Variants in MYBL1 observed in about 807,000 individuals in gnomAD.
MYBL1 encodes the protein MYB proto-oncogene like 1.
A neutral mutation model predicts 96.3 loss-of-function variants in MYBL1; 17 were observed. The ratio of observed to expected loss-of-function variants is 0.18; its 90% CI spans 0.12 to 0.26. MYBL1 has a LOEUF of 0.26. Among genes scored for constraint, MYBL1 ranks in the 10% least tolerant of loss-of-function variants. MYBL1 has a pLI of 1.00. For synonymous variants in MYBL1, 282 were observed against 292.7 expected, an observed-to-expected ratio of 0.96 and a Z score of 0.37; for missense variants, 701 against 882.9, an observed-to-expected ratio of 0.79 and a Z score of 2.61.
chr8:66,604,022 A>G (rs1251292767), intron 1 of MYBL1, among the ~76,000 whole-genome samples: 2 of 152,174 alleles, frequency 1.3e-5, no homozygotes, highest in Non-Finnish European at 2.9e-5. Context: ...TAATCAGAGA[A>G]TTACCACTAC....
chr8:66,612,313 G>C (rs1309135833), intron 1 of MYBL1: 1 of 156,656 alleles, frequency 6.4e-6, no homozygotes. Flanking sequence ...AGTCCTCTCA[G>C]CTATTCCCCA....
At chr8:66,577,680 T>A (rs1014417359) in intron 9 of MYBL1, among the ~76,000 whole-genome samples, 6 of 151,998 alleles carry the variant, frequency 3.9e-5, no homozygotes, top group Non-Finnish European at 7.4e-5. Flanking sequence ...TTCAGTGCCA[T>A]CCCCATCAAG....
At chr8:66,602,624 G>C (rs1810122297) in intron 1 of MYBL1, 101 bp from the exon 2 acceptor site, 1 of 552,448 alleles carries the variant, frequency 1.8e-6, no homozygotes, top group Admixed American at 4.0e-5. Context: ...AAATCATACA[G>C]ACTACAAGTC....
chr8:66,603,741 C>A (rs1056412583), intron 1 of MYBL1, among the ~76,000 whole-genome samples: 1 of 151,990 alleles, frequency 6.6e-6, no homozygotes, highest in African/African-American at 2.4e-5. Flanking sequence ...CTCAAGTGAT[C>A]CTCCTGCCTC....
intron 3 of MYBL1, 28 bp from the exon 4 acceptor site, chr8:66,599,170 T>G: frequency 6.7e-7 from 1 of 1,498,800 alleles, no homozygotes; most frequent in Non-Finnish European, 9.0e-7. Flanking sequence ...ATTTTGTTAT[T>G]AAACAACTGT....
At position 66,597,503 on chromosome 8, in the gene MYBL1, A is replaced by G; in HGVS notation, c.339T>C (p.Ile113=). 6.2e-7 allele frequency: 1 copy of G among 1,613,184 alleles called. No homozygotes were observed. The highest frequency in any genetic ancestry group is 8.5e-7 in the Non-Finnish European group (1 of 1,179,490). ...QKYGPKRWSL[I]AKHLKGRIGK... ...CTATTCTTCCTTTTAAATGTTTTGCAATTAAAGACCATCTTTTTGGCCCAT... is the reference window on the plus strand; with the variant it reads ...CTATTCTTCCTTTTAAATGTTTTGCGATTAAAGACCATCTTTTTGGCCCAT... The change falls in exon 5 of 16, where the codon ATT becomes ATC. Residue 113 remains isoleucine, a synonymous_variant. Transcript: ENST00000522677.
intron 9 of MYBL1, among the ~76,000 whole-genome samples, chr8:66,578,138 C>T (rs1809042634): frequency 6.6e-6 from 1 of 151,954 alleles, no homozygotes; most frequent in Non-Finnish European, 1.5e-5. Context: ...GAGAAGAAAA[C>T]CTAGGCATTA....
intron 4 of MYBL1, among the ~76,000 whole-genome samples, chr8:66,597,847 TAAAAAAAAAAA>T: frequency 2.8e-5 from 1 of 36,194 alleles, no homozygotes; most frequent in African/African-American, 1.0e-4. Flanking sequence ...CTCCTACATC[TAAAAAAAAAAA>T]AAAAAAAAAA....
intron 1 of MYBL1, chr8:66,612,204 T>C (rs1032404204): frequency 3.3e-5 from 5 of 152,176 alleles, no homozygotes; most frequent in African/African-American, 1.2e-4. Context: ...TTACTACTAG[T>C]TGTTACTATG....
At chr8:66,605,353 G>C (rs1345028137) in intron 1 of MYBL1, among the ~76,000 whole-genome samples, 1 of 152,144 alleles carries the variant, frequency 6.6e-6, no homozygotes, top group Admixed American at 6.5e-5. Flanking sequence ...GTCTAGGGTA[G>C]AGATGCAGTT....
At chr8:66,569,059 A>G (rs1189079933) in intron 12 of MYBL1, among the ~76,000 whole-genome samples, 2 of 152,146 alleles carry the variant, frequency 1.3e-5, no homozygotes, top group Non-Finnish European at 2.9e-5. Context: ...TCACCCAAGT[A>G]TTAAGCCTAG....
intron 9 of MYBL1, among the ~76,000 whole-genome samples, chr8:66,579,012 T>C (rs1309865348): frequency 6.6e-5 from 10 of 151,758 alleles, no homozygotes; most frequent in South Asian, 2.1e-4. Context: ...TTCTCACTCA[T>C]AAATGGGAAT....
At position 66,566,856 on chromosome 8, in the gene MYBL1, C is replaced by G; in HGVS notation, c.1845+20G>C. ...TTGGATACAATAAGACTTTTATTAA[C>G]AATAATACTAGAAGATTACCTCTTG... is the stretch of plus-strand genomic sequence containing the variant. On this transcript the variant is annotated intron_variant, in intron 13 of 15. Transcript: ENST00000522677. 6.3e-7 allele frequency: 1 copy of G among 1,593,928 alleles called. No individual in the cohort carries two copies. Among genetic ancestry groups the G allele is most frequent in the Non-Finnish European group, 8.6e-7 (1 of 1,163,070 alleles).
intron 8 of MYBL1, among the ~76,000 whole-genome samples, chr8:66,588,889 A>C (rs1418849191): frequency 1.3e-5 from 2 of 152,198 alleles, no homozygotes; most frequent in Non-Finnish European, 2.9e-5. Context: ...GTATGGTGGC[A>C]CATGCCTGTA....
Position 66,609,796 on chromosome 8 carries a change from T to C in MYBL1, c.20+3023A>G, listed in dbSNP as rs186557217. Among the ~76,000 whole-genome samples, 500 of 152,080 alleles carry C rather than the reference T, an allele frequency of 3.3e-3. 1 individual carries two copies. The highest frequency in any genetic ancestry group is 0.014 in the Middle Eastern group (4 of 294). On this transcript the variant is annotated intron_variant, in intron 1 of 15. Transcript: ENST00000522677. ...AGAAACTACCTTACAGACCATAAAA[T>C]CCAAACTCTATATATTAACCAGATG...
chr8:66,586,189 G>T (rs914107934), intron 8 of MYBL1, among the ~76,000 whole-genome samples: 1 of 151,726 alleles, frequency 6.6e-6, no homozygotes, highest in South Asian at 2.1e-4. Context: ...GGGACTACAG[G>T]TGCTCACCAC....
intron 9 of MYBL1, 69 bp from the exon 10 acceptor site, chr8:66,576,444 T>A: frequency 6.8e-7 from 1 of 1,476,866 alleles, no homozygotes; most frequent in South Asian, 1.4e-5. Flanking sequence ...GAACACAGGA[T>A]GATGATTTCC....
chr8:66,605,520 A>G (rs568467845), intron 1 of MYBL1, among the ~76,000 whole-genome samples: 1 of 152,340 alleles, frequency 6.6e-6, no homozygotes. Context: ...GCAAGCCTTA[A>G]TGATAAACTG....
chr8:66,611,568 C>T (rs1013385164), intron 1 of MYBL1, among the ~76,000 whole-genome samples: 3 of 152,126 alleles, frequency 2.0e-5, no homozygotes, highest in Admixed American at 6.5e-5. Context: ...TAAACATCTC[C>T]CCATTACAAA....
Sources: gnomAD v4.1 joint callset for allele counts (sites outside exome capture counted in the v4.1 genomes callset) on GRCh38, gnomAD v4.1.1 for gene constraint, MANE v1.5 for transcripts, NCBI Gene and HGNC (gene_info 2026-07-23, HGNC 2026-07-21) for gene names.